TDRD5: variants seen among roughly 807,000 people sequenced by gnomAD.
The protein encoded by TDRD5 is tudor domain containing 5, also known as tudor domain-containing protein 5.
A neutral mutation model predicts 120.6 loss-of-function variants in TDRD5; 41 were observed. The observed-to-expected ratio is 0.34, with a 90% CI of 0.26 to 0.44. The LOEUF is 0.44. Among genes scored for constraint, TDRD5 ranks in the 20% least tolerant of loss-of-function variants. The probability of loss-of-function intolerance (pLI) is 1.00; values close to 1 mark genes in which losing one functional copy is unlikely to be tolerated. For synonymous variants in TDRD5, 430 were observed against 433.7 expected (o/e 0.99, Z 0.11); for missense variants, 1,006 against 1,221.2 (o/e 0.82, Z 2.63).
chr1:179,601,828 T>C (rs10798697), intron 4 of TDRD5, among the ~76,000 whole-genome samples: 16,642 of 152,248 alleles, frequency 0.11, 1,019 homozygotes, highest in African/African-American at 0.16. Flanking sequence ...CCTTTTGAGA[T>C]GGAGTCTTGC....
rs775345125 is a variant in TDRD5, at chr1:179,669,287, G to A, written c.2743G>A (p.Gly915Arg). Reference sequence around the variant, plus strand: ...TACCCAGTCAGAGCAGTCAGCAGACGGGAGCCAGTCTGAACCCAACAACAG... The same window carrying A: ...TACCCAGTCAGAGCAGTCAGCAGACAGGAGCCAGTCTGAACCCAACAACAG... ...SLTQSEQSAD[G>R]SQSEPNNSQT... The change falls in exon 17 of 18, where the codon GGG (glycine) becomes AGG (arginine). Residue 915 changes from glycine to arginine, a missense_variant. This residue lies in a region of TDRD5 where 403 missense variants were observed against 448.1 expected (regional missense o/e 0.90). Transcript: ENST00000444136. 5.6e-6 allele frequency: 9 copies of A among 1,614,076 alleles called. No individual in the cohort carries two copies. The highest frequency in any genetic ancestry group is 2.2e-5 in the South Asian group (2 of 91,074).
intron 17 of TDRD5, among the ~76,000 whole-genome samples, chr1:179,689,669 G>T (rs569585019): frequency 6.6e-6 from 1 of 152,272 alleles, no homozygotes; most frequent in South Asian, 2.1e-4. Flanking sequence ...TACAGAGGCA[G>T]GCAGGCCTCC....
intron 11 of TDRD5, among the ~76,000 whole-genome samples, chr1:179,646,815 CAG>C (rs1026653198): frequency 1.1e-4 from 16 of 152,196 alleles, no homozygotes; most frequent in South Asian, 6.2e-4. Flanking sequence ...CAACAACAGA[CAG>C]AGAGCCAAAT....
chr1:179,596,354 TGTA>T (rs1675390015), intron 4 of TDRD5, among the ~76,000 whole-genome samples: 1 of 152,230 alleles, frequency 6.6e-6, no homozygotes, highest in East Asian at 1.9e-4. Flanking sequence ...ATAATTTACA[TGTA>T]GTAAAATTTA....
rs1179258172 is a variant in TDRD5 at position 179,634,546 on chromosome 1, T to C, written c.1216T>C (p.Trp406Arg). 3 of 1,613,974 alleles carry C rather than the reference T, an allele frequency of 1.9e-6. No individual in the cohort carries two copies. The highest frequency in any genetic ancestry group is 1.3e-5 in the African/African-American group (1 of 75,012). Residue 406 changes from tryptophan (W) to arginine (R), a missense_variant, in exon 8 of 18, where the codon TGG becomes CGG. By Grantham distance (101) the Trp-to-Arg change is moderately radical (BLOSUM62 -3). Around this residue, in one of 3 missense-constraint regions of TDRD5, gnomAD observed 445 missense variants for 515.5 expected, o/e 0.86. Coordinates refer to ENST00000444136, the MANE Select transcript of TDRD5 (RefSeq NM_001199085.3). ...LSTAAVKETV[W>R]NCPSKKQKEP... ...TACTGCTGCTGTCAAAGAGACTGTA[T>C]GGAATTGCCCTTCAAAAAAACAAAA...
rs772617215 is a variant in TDRD5 at position 179,654,328 on chromosome 1, A to C, written c.2288A>C (p.Asn763Thr). The C allele has an allele frequency of 1.8e-5, 27 of 1,542,340 alleles. 2 individuals are homozygous for C. The South Asian group carries it at 3.3e-4, about 19-fold the overall frequency. Residue 763 changes from asparagine (N) to threonine (T), a missense_variant, in exon 14 of 18, where the codon AAC becomes ACC. Physicochemically the swap from Asn to Thr is moderately conservative, Grantham distance 65 (BLOSUM62 0). Transcript: ENST00000444136. ...TTTGAAGAAGATCCAAAGTGGTCCA[A>C]CCCAGAACCAAACGATCTGAAGGAA... ...KSFEEDPKWS[N>T]PEPNDLKEEN...
intron 17 of TDRD5, among the ~76,000 whole-genome samples, chr1:179,688,364 A>G (rs1410199882): frequency 6.6e-6 from 1 of 150,448 alleles, no homozygotes; most frequent in East Asian, 2.0e-4. Flanking sequence ...AGAATGTTGA[A>G]TATTATCCCC....
intron 4 of TDRD5, among the ~76,000 whole-genome samples, chr1:179,616,277 C>T (rs984202888): frequency 2.0e-4 from 30 of 152,108 alleles, no homozygotes; most frequent in Non-Finnish European, 3.7e-4. Context: ...ACTTTTGTTT[C>T]CTACATAGAA....
intron 11 of TDRD5, among the ~76,000 whole-genome samples, chr1:179,645,590 T>C (rs543166239): frequency 2.3e-4 from 35 of 152,344 alleles, no homozygotes; most frequent in African/African-American, 7.9e-4. Flanking sequence ...ATTTTATATA[T>C]GTCCATAAGG....
chr1:179,618,622 T>C lies in TDRD5; in HGVS notation c.855T>C (p.Val285=), dbSNP rs945261882. The change falls in exon 5 of 18, where the codon GTT becomes GTC. Residue 285 remains valine (V), a synonymous_variant. Transcript: ENST00000444136. The part of the protein sequence containing the change: ...LNQLENTFKS[V]IAQIGPGGTI... ...AGCTGGAGAACACATTCAAATCAGT[T>C]ATTGCACAGATTGGACCTGGAGGAA... 1.9e-6 allele frequency: 3 copies of C among 1,597,422 alleles called. No homozygotes were observed. The highest frequency in any genetic ancestry group is 2.6e-6 in the Non-Finnish European group (3 of 1,173,618).
At chr1:179,599,694 A>G (rs4652423) in intron 4 of TDRD5, among the ~76,000 whole-genome samples, 141,242 of 152,126 alleles carry the variant, frequency 0.93, 66,186 homozygotes, top group Non-Finnish European at 0.99. Context: ...ATCTGTCTCT[A>G]TCTCTCTCAT....
At chr1:179,600,006 G>C (rs111566852) in intron 4 of TDRD5, among the ~76,000 whole-genome samples, 3 of 152,018 alleles carry the variant, frequency 2.0e-5, no homozygotes, top group Non-Finnish European at 4.4e-5. Context: ...CATTATTTTA[G>C]AGTGCACTCC....
intron 3 of TDRD5, 134 bp downstream of exon 3, chr1:179,594,001 A>G (rs964162782): frequency 5.2e-6 from 6 of 1,155,742 alleles, no homozygotes; most frequent in East Asian, 2.5e-5. Context: ...GAACTGTTCA[A>G]TCTACTTAAG....
intron 16 of TDRD5, among the ~76,000 whole-genome samples, chr1:179,667,300 A>G (rs551333617): frequency 6.6e-6 from 1 of 152,376 alleles, no homozygotes; most frequent in South Asian, 2.1e-4. Context: ...ATGCATTTAA[A>G]TATGTGTCAA....
At chr1:179,684,116 T>G (rs1680575172) in intron 17 of TDRD5, among the ~76,000 whole-genome samples, 1 of 152,216 alleles carries the variant, frequency 6.6e-6, no homozygotes, top group Non-Finnish European at 1.5e-5. Context: ...GTTACATATG[T>G]ATACATGTGC....
intron 12 of TDRD5, among the ~76,000 whole-genome samples, chr1:179,651,366 A>C (rs1160989092): frequency 6.6e-6 from 1 of 152,188 alleles, no homozygotes; most frequent in Non-Finnish European, 1.5e-5. Context: ...TGGGAGGCTG[A>C]GGCAGAGAAT....
intron 17 of TDRD5, among the ~76,000 whole-genome samples, chr1:179,670,162 T>C (rs1679781953): frequency 6.6e-6 from 1 of 151,986 alleles, no homozygotes; most frequent in East Asian, 1.9e-4. Context: ...GAGGCTGAGG[T>C]GGGTGGATCA....
intron 14 of TDRD5, among the ~76,000 whole-genome samples, chr1:179,660,556 G>A (rs898143988): frequency 7.2e-5 from 11 of 151,900 alleles, no homozygotes; most frequent in Non-Finnish European, 1.6e-4. Context: ...TGTCATTCTT[G>A]ACTTTTACAA....
intron 9 of TDRD5, among the ~76,000 whole-genome samples, chr1:179,639,002 T>C (rs1677904837): frequency 2.0e-5 from 3 of 152,152 alleles, no homozygotes; most frequent in Admixed American, 2.0e-4. Context: ...ACAACTGGCA[T>C]GTCTTCCATA....
Sources: allele counts gnomAD v4.1 joint callset (sites outside exome capture counted in the v4.1 genomes callset), GRCh38; gene constraint gnomAD v4.1.1; regional missense constraint gnomAD v4.1.1; transcripts MANE v1.5; gene names NCBI Gene and HGNC (gene_info 2026-07-23, HGNC 2026-07-21).